The following NOS3 variants were observed in gnomAD, a reference collection of about 807,000 sequenced individuals.
NOS3 encodes the protein NOS type III.
Under a neutral mutation model 144.9 loss-of-function variants are expected in NOS3, and 98 were observed. The ratio of observed to expected loss-of-function variants is 0.68; its 90% CI spans 0.57 to 0.80. The LOEUF is 0.80. Among genes scored for constraint, NOS3 ranks in the 30% least tolerant of loss-of-function variants. The pLI, the probability that NOS3 is intolerant of heterozygous loss-of-function variation, is 0.00. For missense variants in NOS3, 1,465 were observed against 1,656.4 expected, an observed-to-expected ratio of 0.88 and a Z score of 2.01; for synonymous variants, 714 against 702.4, an observed-to-expected ratio of 1.02 and a Z score of -0.26.
chr7:151,002,513 C>T lies in NOS3; in HGVS notation c.1752+209C>T, dbSNP rs1223789174. On this transcript the variant is annotated intron_variant, in intron 14 of 26. Transcript: ENST00000297494. The surrounding 1 kb of genome is among the most constrained non-coding windows in gnomAD (Gnocchi z 4.1). ...GGAGCCTGAAACCCCACACAAGCTA[C>T]GCTCCCAGCCCACCCATGTGGCTGC... Among the ~76,000 whole-genome samples, 4 of 152,062 alleles carry T rather than the reference C, an allele frequency of 2.6e-5. No individual in the cohort carries two copies. The highest frequency in any genetic ancestry group is 1.9e-4 in the East Asian group (1 of 5,170).
chr7:151,009,113 CCCGGGACTAAAGCACT>C, intron 18 of NOS3, 51 bp downstream of exon 18: 1 of 1,613,280 alleles, frequency 6.2e-7, no homozygotes, highest in Non-Finnish European at 8.5e-7. Context: ...GCCCCCACAC[CCCGGGACTAAAGCACT>C]CTGGGGCCAG....
chr7:150,999,132 T>C (rs761930076), intron 8 of NOS3, 47 bp downstream of exon 8: 7 of 1,611,886 alleles, frequency 4.3e-6, no homozygotes, highest in Non-Finnish European at 5.9e-6. Context: ...GGGCCATCCC[T>C]GAGCCTCTCA....
chr7:150,999,401 C>G, intron 9 of NOS3, 37 bp downstream of exon 9: 3 of 1,522,278 alleles, frequency 2.0e-6, no homozygotes, highest in Non-Finnish European at 2.6e-6. Flanking sequence ...CCGAATGCAC[C>G]TGTCCAAGGC....
intron 12 of NOS3, 49 bp from the exon 13 acceptor site, chr7:151,001,772 G>GCC (rs1487406530): frequency 5.0e-6 from 8 of 1,611,068 alleles, no homozygotes; most frequent in Non-Finnish European, 6.8e-6. Context: ...GCCTGGGGAG[G>GCC]CCCTGCCTCT....
At chr7:151,007,473 A>T (rs1795223753) in intron 17 of NOS3, among the ~76,000 whole-genome samples, 197 bp downstream of exon 17, 1 of 152,212 alleles carries the variant, frequency 6.6e-6, no homozygotes, top group Admixed American at 6.5e-5. Context: ...AGGGGTGCCT[A>T]GCCCAGGCAG....
rs777422990 is a variant in NOS3, at chr7:151,010,798, A to G, written c.2887A>G (p.Arg963Gly). Residue 963 changes from arginine (R) to glycine (G), a missense_variant, in exon 22 of 27, where the codon AGG (arginine) becomes GGG (glycine). This residue lies in a region of NOS3 where 106 missense variants were observed against 167.7 expected (regional missense o/e 0.63). Coordinates refer to ENST00000297494, the MANE Select transcript of NOS3 (RefSeq NM_000603.5). ...IHLTVAVLAYRTQDGLGPLHY... is the reference protein window; with the variant it reads ...IHLTVAVLAYGTQDGLGPLHY... Reference sequence around the variant, plus strand: ...CCTCACTGTAGCTGTGCTGGCATACAGGACTCAGGGTGAGGCAACAAGCAG... The same window carrying G: ...CCTCACTGTAGCTGTGCTGGCATACGGGACTCAGGGTGAGGCAACAAGCAG... 1.2e-6 allele frequency: 2 copies of G among 1,611,490 alleles called. No individual in the cohort carries two copies. Among genetic ancestry groups the G allele is most frequent in the Non-Finnish European group, 1.7e-6 (2 of 1,178,874 alleles).
Position 151,014,288 on chromosome 7 carries a change from G to A in NOS3, c.*119G>A. The A allele has an allele frequency of 9.5e-7, 1 of 1,054,142 alleles. No homozygotes were observed. Among genetic ancestry groups the A allele is most frequent in the South Asian group, 1.6e-5 (1 of 61,514 alleles). The allele number at this position is 1,054,142 out of a possible 1,614,324, so 65.3% of individuals were successfully genotyped here. On this transcript the variant is annotated 3_prime_UTR_variant, in exon 27 of 27. Coordinates refer to ENST00000297494, the MANE Select transcript of NOS3 (RefSeq NM_000603.5). ...TGGTGCCTTCTCACATCTGTCCAGA[G>A]GCTGCAAGGATTCAGCATTATTCCT...
At chr7:151,006,068 G>A (rs1795202750) in intron 14 of NOS3, among the ~76,000 whole-genome samples, 1 of 152,118 alleles carries the variant, frequency 6.6e-6, no homozygotes, top group African/African-American at 2.4e-5. Context: ...TTGACCTGGA[G>A]GGATGTCTGC....
At position 151,013,855 on chromosome 7, in the gene NOS3, C is replaced by A. The variant is rs1329167898; in HGVS notation, c.3387C>A (p.Arg1129=). 3.7e-6 allele frequency: 6 copies of A among 1,604,674 alleles called. No individual in the cohort carries two copies. The highest frequency in any genetic ancestry group is 5.1e-6 in the Non-Finnish European group (6 of 1,176,278). Reference sequence around the variant, plus strand: ...CCAACGTCCTGCAGACCGTGCAGCGCATCCTGGCGACGGAGGGCGACATGG... The same window carrying A: ...CCAACGTCCTGCAGACCGTGCAGCGAATCCTGGCGACGGAGGGCGACATGG... ...MATNVLQTVQ[R]ILATEGDMEL... The change falls in exon 26 of 27, where the codon CGC becomes CGA. Residue 1129 remains arginine, a synonymous_variant. Transcript: ENST00000297494.
In NOS3 at chr7:150,993,411, G is replaced by T. The variant is rs189463742; in HGVS notation, c.-51-342G>T. Among the ~76,000 whole-genome samples, 28 of 152,296 alleles carry T rather than the reference G, an allele frequency of 1.8e-4. No homozygotes were observed. The highest frequency in any genetic ancestry group is 6.5e-4 in the African/African-American group (27 of 41,564). The stretch of plus-strand genomic sequence containing the variant: ...ACCCTCCAGGGAAAGGCACACAGGG[G>T]TGAGGCCGAAGGCCCTTCCGTCTGG... On this transcript the variant is annotated intron_variant, in intron 1 of 26. Coordinates refer to ENST00000297494, the MANE Select transcript of NOS3 (RefSeq NM_000603.5). The surrounding 1 kb of genome is among the most constrained non-coding windows in gnomAD (Gnocchi z 4.0).
In NOS3 at chr7:151,003,774, C is replaced by T. The variant is rs1306965384; in HGVS notation, c.1752+1470C>T. The T allele has an allele frequency of 6.4e-6, 3 of 469,764 alleles. No individual in the cohort carries two copies. The East Asian group carries it at 2.1e-4, about 33-fold the overall frequency. The allele number at this position is 469,764 out of a possible 1,614,324, so 29.1% of individuals were successfully genotyped here. A position where few individuals can be genotyped will look rare whatever the true frequency, so the allele number is the denominator to read the frequency against. On this transcript the variant is annotated intron_variant, in intron 14 of 26. Coordinates refer to ENST00000297494, the MANE Select transcript of NOS3 (RefSeq NM_000603.5). This position sits in a 1 kb window ranked among gnomAD's most constrained non-coding sequence, Gnocchi z 4.1. ...TCCTGCTGAGGCTGTTTTTGAGGCG[C>T]ACTCGTGTTGCTGCGTGACTCAGTA... is the stretch of plus-strand genomic sequence containing the variant.
chr7:151,003,527 C>G lies in NOS3; in HGVS notation c.1752+1223C>G. The G allele has an allele frequency of 7.9e-7, 1 of 1,266,542 alleles. No homozygotes were observed. The highest frequency in any genetic ancestry group is 1.3e-5 in the South Asian group (1 of 75,234). The allele number at this position is 1,266,542 out of a possible 1,614,324, so 78.5% of individuals were successfully genotyped here. On this transcript the variant is annotated intron_variant, in intron 14 of 26. Coordinates refer to ENST00000297494, the MANE Select transcript of NOS3 (RefSeq NM_000603.5). The surrounding 1 kb of genome is among the most constrained non-coding windows in gnomAD (Gnocchi z 4.1). The stretch of plus-strand genomic sequence containing the variant: ...CCTACCTTTTCAAGAAAAATAGCAC[C>G]AGCAATTGACTTTTTTTTAGCATAA...
chr7:151,006,821 G>T, intron 15 of NOS3, 68 bp from the exon 16 acceptor site: 1 of 1,267,616 alleles, frequency 7.9e-7, no homozygotes, highest in Non-Finnish European at 1.2e-6. Flanking sequence ...CGTCCCTGGG[G>T]CTGGGGCTGG....
chr7:151,003,872 G>A lies in NOS3; in HGVS notation c.1752+1568G>A, dbSNP rs1280663130. The A allele has an allele frequency of 2.6e-6, 1 of 388,118 alleles. No individual in the cohort carries two copies. Among genetic ancestry groups the A allele is most frequent in the African/African-American group, 2.1e-5 (1 of 48,340 alleles). The allele number at this position is 388,118 out of a possible 1,614,324, so 24.0% of individuals were successfully genotyped here. A position where few individuals can be genotyped will look rare whatever the true frequency, so the allele number is the denominator to read the frequency against. ...AGTTTGTTTACCCATTCTCTTGTTG[G>A]TGACACTTGGGCTGTTTCCAGGTCG... On this transcript the variant is annotated intron_variant, in intron 14 of 26. Coordinates refer to ENST00000297494, the MANE Select transcript of NOS3 (RefSeq NM_000603.5). The surrounding 1 kb of genome is among the most constrained non-coding windows in gnomAD (Gnocchi z 4.1).
intron 17 of NOS3, 92 bp from the exon 18 acceptor site, chr7:151,008,838 C>T (rs3918231): frequency 3.5e-6 from 5 of 1,413,636 alleles, no homozygotes; most frequent in Admixed American, 2.8e-5. Flanking sequence ...GCCAACCCCC[C>T]AGGAGCAAGA....
rs983350059 is a variant in NOS3, at chr7:151,002,492, C to G, written c.1752+188C>G. ...GGGAGATGCTAAGAGACCCCTGGAG[C>G]CTGAAACCCCACACAAGCTACGCTC... On this transcript the variant is annotated intron_variant, in intron 14 of 26. Coordinates refer to ENST00000297494, the MANE Select transcript of NOS3 (RefSeq NM_000603.5). This position sits in a 1 kb window ranked among gnomAD's most constrained non-coding sequence, Gnocchi z 4.1. Among the ~76,000 whole-genome samples the G allele has an allele frequency of 4.6e-5, 7 of 150,626 alleles. No homozygotes were observed. The highest frequency in any genetic ancestry group is 3.4e-3 in the Middle Eastern group (1 of 290).
rs779245100 is a variant in NOS3 at position 151,007,222 on chromosome 7, C to T, written c.2058C>T (p.Asp686=). 22 of 1,609,858 alleles carry T rather than the reference C, an allele frequency of 1.4e-5. No homozygotes were observed. The highest frequency in any genetic ancestry group is 1.2e-4 in the Admixed American group (7 of 59,960). The stretch of plus-strand genomic sequence containing the variant: ...GGCTGCTGCAGCTGGGCCAGGGCGA[C>T]GAGCTGTGCGGCCAGGAGGAGGCCT... ...GERLLQLGQG[D]ELCGQEEAFR... Residue 686 remains aspartate, a synonymous_variant, in exon 17 of 27, where the codon GAC becomes GAT. Transcript: ENST00000297494.
In NOS3 at chr7:150,993,778, A is replaced by G; in HGVS notation, c.-26A>G. 1 of 1,576,150 alleles carries G rather than the reference A, an allele frequency of 6.3e-7. No homozygotes were observed. On this transcript the variant is annotated 5_prime_UTR_variant, in exon 2 of 27. Coordinates refer to ENST00000297494, the MANE Select transcript of NOS3 (RefSeq NM_000603.5). This position sits in a 1 kb window ranked among gnomAD's most constrained non-coding sequence, Gnocchi z 4.0. Reference sequence around the variant, plus strand: ...GAAAAGGCCAGGGCTCTGCTGGAGCAGGCAGCAGAGTGGACGCACAGTAAC... The same window carrying G: ...GAAAAGGCCAGGGCTCTGCTGGAGCGGGCAGCAGAGTGGACGCACAGTAAC...
intron 2 of NOS3, among the ~76,000 whole-genome samples, chr7:150,994,571 G>A (rs543273416): frequency 6.6e-6 from 1 of 152,164 alleles, no homozygotes; most frequent in African/African-American, 2.4e-5. Context: ...TCCTCCCGGG[G>A]GTAGAGGTCC....
Sources: allele counts gnomAD v4.1 joint callset (sites outside exome capture counted in the v4.1 genomes callset), GRCh38; gene constraint gnomAD v4.1.1; regional missense constraint gnomAD v4.1.1; non-coding constraint Gnocchi (gnomAD v3.1); transcripts MANE v1.5; gene names NCBI Gene and HGNC (gene_info 2026-07-23, HGNC 2026-07-21).